The following UNC13B variants were observed in gnomAD, a reference collection of about 807,000 sequenced individuals.
The protein encoded by UNC13B is protein unc-13 homolog B.
Under a neutral mutation model 211.0 loss-of-function variants are expected in UNC13B, and 144 were observed. The observed-to-expected ratio is 0.68, with a 90% confidence interval of 0.60 to 0.78. The LOEUF (loss-of-function observed/expected upper bound fraction) is 0.78. Ranked by LOEUF, UNC13B falls within the 30% of genes least tolerant of loss-of-function variation. The pLI is 0.00. For synonymous variants in UNC13B, 709 were observed against 725.8 expected, an observed-to-expected ratio of 0.98 and a Z score of 0.37; for missense variants, 1,777 against 2,002.0, an observed-to-expected ratio of 0.89 and a Z score of 2.14.
At chr9:35,254,304 G>C (rs1826685904) in intron 6 of UNC13B, among the ~76,000 whole-genome samples, 1 of 152,168 alleles carries the variant, frequency 6.6e-6, no homozygotes, top group African/African-American at 2.4e-5. Context: ...TGGAGGATGG[G>C]AAGTCTAAAA....
At chr9:35,360,855 G>A (rs1176174760) in intron 11 of UNC13B, 1 of 152,028 alleles carries the variant, frequency 6.6e-6, no homozygotes, top group Non-Finnish European at 1.5e-5. Flanking sequence ...TTCATGTTTT[G>A]TAGAGATGGG....
chr9:35,272,297 G>A (rs548649273), intron 7 of UNC13B, among the ~76,000 whole-genome samples: 26 of 137,664 alleles, frequency 1.9e-4, no homozygotes, highest in African/African-American at 5.7e-4. Flanking sequence ...TCACTCTGTC[G>A]TCCAGGCTGG....
At position 35,380,403 on chromosome 9, in the gene UNC13B, A is replaced by G. The variant is rs1489407826; in HGVS notation, c.10206-67A>G. 5.2e-6 allele frequency: 8 copies of G among 1,541,198 alleles called. No individual in the cohort carries two copies. The African/African-American group carries it at 1.1e-4, about 21-fold the overall frequency. Reference sequence around the variant, plus strand: ...CAGCTGTCGGAGCTTTTGGGAGGGAATAGGAAGTAACAGGATTTGGCGCTA... The same window carrying G: ...CAGCTGTCGGAGCTTTTGGGAGGGAGTAGGAAGTAACAGGATTTGGCGCTA... On this transcript the variant is annotated intron_variant, in intron 17 of 39. Transcript: ENST00000635942.
chr9:35,180,752 T>C (rs968044102), intron 1 of UNC13B, among the ~76,000 whole-genome samples: 5 of 152,138 alleles, frequency 3.3e-5, no homozygotes, highest in African/African-American at 1.2e-4. Context: ...TTTGCTTTTG[T>C]TCATTAGTTC....
intron 5 of UNC13B, 111 bp downstream of exon 5, chr9:35,237,937 A>G (rs1825603513): frequency 8.4e-7 from 1 of 1,189,142 alleles, no homozygotes; most frequent in African/African-American, 1.5e-5. Flanking sequence ...CTTTGAGGAT[A>G]TTTTGTCTTC....
At chr9:35,287,428 G>A (rs568559558) in intron 7 of UNC13B, among the ~76,000 whole-genome samples, 2 of 152,234 alleles carry the variant, frequency 1.3e-5, no homozygotes, top group South Asian at 2.1e-4. Flanking sequence ...CACCATGCCC[G>A]ACTTCACTGT....
chr9:35,296,028 G>GT (rs1829342139), intron 8 of UNC13B, 98 bp downstream of exon 8: 4 of 1,152,594 alleles, frequency 3.5e-6, no homozygotes, highest in East Asian at 2.6e-5. Flanking sequence ...AAGAGGTAGC[G>GT]TAAGTGTAGC....
chr9:35,382,296 T>G, intron 20 of UNC13B, 61 bp from the exon 21 acceptor site: 1 of 1,555,160 alleles, frequency 6.4e-7, no homozygotes, highest in African/African-American at 1.4e-5. Flanking sequence ...TTAGAGTTCC[T>G]GCTTGGCTTT....
chr9:35,380,975 GTCCTTGGGTTGGCCCCTTCTTT>G lies in UNC13B; in HGVS notation c.10376-104_10376-83del, dbSNP rs574253207. 1,191 of 854,928 alleles carry G rather than the reference GTCCTTGGGTTGGCCCCTTCTTT, an allele frequency of 1.4e-3. 29 individuals carry two copies. The South Asian group carries it at 0.02, about 14-fold the overall frequency. The allele number at this position is 854,928 out of a possible 1,614,324, so 53.0% of individuals were successfully genotyped here. A position where few individuals can be genotyped will look rare whatever the true frequency, so the allele number is the denominator to read the frequency against. On this transcript the variant is annotated intron_variant, in intron 18 of 39. Transcript: ENST00000635942. ...TGGAGTGATTCACCCTATTTGGTGA[GTCCTTGGGTTGGCCCCTTCTTT>G]TCCTTGGGTTGGCCCCTTCTCTTCC...
At chr9:35,229,485 C>T (rs1427253041) in intron 2 of UNC13B, among the ~76,000 whole-genome samples, 1 of 152,148 alleles carries the variant, frequency 6.6e-6, no homozygotes, top group Non-Finnish European at 1.5e-5. Flanking sequence ...TTAGCTTCAG[C>T]ACCAACCACC....
rs145682826 is a variant in UNC13B at position 35,379,262 on chromosome 9, A to G, written c.10205+826A>G. On this transcript the variant is annotated intron_variant, in intron 17 of 39. Coordinates refer to ENST00000635942, the MANE Select transcript of UNC13B (RefSeq NM_001371189.2). ...CAGGAGTTCCAGACCAGACTGGCCA[A>G]CATGGCAAAACCCCATCTCTATTAA... is the stretch of plus-strand genomic sequence containing the variant. Among the ~76,000 whole-genome samples, 698 of 152,288 alleles carry G rather than the reference A, an allele frequency of 4.6e-3. 4 individuals carry two copies. Among genetic ancestry groups the G allele is most frequent in the Admixed American group, 9.1e-3 (139 of 15,290 alleles).
At position 35,162,081 on chromosome 9, in the gene UNC13B, C is replaced by T; in HGVS notation, c.-203C>T. On this transcript the variant is annotated 5_prime_UTR_variant, in exon 1 of 40. Coordinates refer to ENST00000635942, the MANE Select transcript of UNC13B (RefSeq NM_001371189.2). ...CCAGTCCCCAGCCTGCCGGCCGGTA[C>T]TCACCGCTACCCGGAGTTCGCTCAG... 1 of 737,296 alleles carries T rather than the reference C, an allele frequency of 1.4e-6. No individual in the cohort carries two copies. Among genetic ancestry groups the T allele is most frequent in the Non-Finnish European group, 2.2e-6 (1 of 458,100 alleles). The allele number at this position is 737,296 out of a possible 1,614,324, so 45.7% of individuals were successfully genotyped here. A position where few individuals can be genotyped will look rare whatever the true frequency, so the allele number is the denominator to read the frequency against.
rs369860627 is a variant in UNC13B at position 35,399,015 on chromosome 9, A to T, written c.12055A>T (p.Met4019Leu). 4.3e-6 allele frequency: 7 copies of T among 1,613,912 alleles called. No individual in the cohort carries two copies. The Admixed American group carries it at 5.0e-5, about 12-fold the overall frequency. The change falls in exon 33 of 40, where the codon ATG (methionine) becomes TTG (leucine). Residue 4019 changes from methionine to leucine, a missense_variant. Physicochemically the swap from Met to Leu is conservative, Grantham distance 15. Coordinates refer to ENST00000635942, the MANE Select transcript of UNC13B (RefSeq NM_001371189.2). Reference protein sequence around the residue: ...QDADSVLRPLMDFLDGNLTLF... With the variant: ...QDADSVLRPLLDFLDGNLTLF... ...TGCAGATAGCGTACTCCGGCCTCTC[A>T]TGGACTTCCTGGATGGCAAGTGAGT...
intron 1 of UNC13B, among the ~76,000 whole-genome samples, chr9:35,171,302 A>G (rs1235862075): frequency 6.6e-6 from 1 of 151,900 alleles, no homozygotes; most frequent in Non-Finnish European, 1.5e-5. Context: ...GGGTTTCACC[A>G]TGTTGGCCAG....
intron 11 of UNC13B, among the ~76,000 whole-genome samples, chr9:35,334,949 A>G (rs1016591111): frequency 1.3e-5 from 2 of 152,192 alleles, no homozygotes; most frequent in Admixed American, 1.3e-4. Flanking sequence ...GAGAGAGGAG[A>G]ATCACTTGAA....
chr9:35,220,529 T>A (rs1222265358), intron 1 of UNC13B, among the ~76,000 whole-genome samples: 1 of 152,128 alleles, frequency 6.6e-6, no homozygotes, highest in Non-Finnish European at 1.5e-5. Flanking sequence ...CGAGAGCATG[T>A]GAAGTTTGTC....
intron 14 of UNC13B, 95 bp downstream of exon 14, chr9:35,375,296 C>A: frequency 2.2e-6 from 3 of 1,350,252 alleles, no homozygotes; most frequent in Non-Finnish European, 1.1e-6. Flanking sequence ...TCTGGGAATT[C>A]AAGAGTGCTG....
chr9:35,333,365 G>A (rs144274059), intron 11 of UNC13B, among the ~76,000 whole-genome samples: 8 of 152,168 alleles, frequency 5.3e-5, no homozygotes, highest in South Asian at 2.1e-4. Context: ...CACCACTTAC[G>A]GCCTGTGTAA....
At chr9:35,337,161 A>G (rs1831711115) in intron 11 of UNC13B, among the ~76,000 whole-genome samples, 1 of 152,164 alleles carries the variant, frequency 6.6e-6, no homozygotes, top group Non-Finnish European at 1.5e-5. Context: ...TACATCTTAG[A>G]AATATCCCCC....
Sources: gnomAD v4.1 joint callset for allele counts (sites outside exome capture counted in the v4.1 genomes callset) on GRCh38, gnomAD v4.1.1 for gene constraint, MANE v1.5 for transcripts, NCBI Gene and HGNC (gene_info 2026-07-23, HGNC 2026-07-21) for gene names.